ACAP2: variants seen among roughly 807,000 people sequenced by gnomAD.
ACAP2 encodes the protein ArfGAP with coiled-coil, ankyrin repeat and PH domains 2.
ACAP2 carries 39 observed loss-of-function variants against 115.8 expected under a neutral mutation model. That is an observed-to-expected ratio of 0.34 (90% CI 0.26 to 0.44). The LOEUF is 0.44. Among genes scored for constraint, ACAP2 ranks in the 20% least tolerant of loss-of-function variants. The pLI, the probability that ACAP2 is intolerant of heterozygous loss-of-function variation, is 1.00. For missense variants in ACAP2, 662 were observed against 927.6 expected (o/e 0.71, Z 3.72); for synonymous variants, 289 against 315.8 (o/e 0.92, Z 0.90).
intron 4 of ACAP2, among the ~76,000 whole-genome samples, 182 bp downstream of exon 4, chr3:195,380,827 T>C (rs1419205632): frequency 1.3e-5 from 2 of 152,092 alleles, no homozygotes; most frequent in African/African-American, 2.4e-5. Context: ...CAGGCATGCA[T>C]GCACACACAC....
chr3:195,324,083 T>TA (rs1325562787), intron 9 of ACAP2, among the ~76,000 whole-genome samples: 1 of 151,856 alleles, frequency 6.6e-6, no homozygotes. Context: ...AAAAATGAAA[T>TA]AAAAAAATTT....
intron 15 of ACAP2, among the ~76,000 whole-genome samples, chr3:195,301,195 C>G (rs1577260072): frequency 6.6e-6 from 1 of 151,966 alleles, no homozygotes; most frequent in Non-Finnish European, 1.5e-5. Context: ...ACGCCATTCT[C>G]CTGCCTCAGC....
intron 1 of ACAP2, among the ~76,000 whole-genome samples, chr3:195,437,272 G>A (rs1715620282): frequency 6.6e-6 from 1 of 151,870 alleles, no homozygotes; most frequent in South Asian, 2.1e-4. Context: ...CAAACTCCTG[G>A]CCTCAAGTGA....
intron 5 of ACAP2, among the ~76,000 whole-genome samples, chr3:195,344,602 C>A (rs918804586): frequency 6.6e-6 from 1 of 151,962 alleles, no homozygotes; most frequent in African/African-American, 2.4e-5. Context: ...CTCACTGCAA[C>A]CTCCACCTCC....
intron 1 of ACAP2, among the ~76,000 whole-genome samples, chr3:195,412,075 A>G (rs184862650): frequency 1.3e-5 from 2 of 150,930 alleles, no homozygotes; most frequent in East Asian, 3.9e-4. Flanking sequence ...CTATGATCCC[A>G]GCACTTTAGG....
At chr3:195,284,056 G>C (rs1726683108) in intron 22 of ACAP2, among the ~76,000 whole-genome samples, 1 of 152,150 alleles carries the variant, frequency 6.6e-6, no homozygotes, top group African/African-American at 2.4e-5. Flanking sequence ...CAAGAACTTA[G>C]AGGCCCTTTC....
At chr3:195,320,629 T>A in intron 10 of ACAP2, 72 bp downstream of exon 10, 1 of 1,079,950 alleles carries the variant, frequency 9.3e-7, no homozygotes, top group Non-Finnish European at 1.4e-6. Flanking sequence ...AAGGAGAGAG[T>A]TGTCAAATCA....
chr3:195,351,174 G>A (rs1037818730), intron 4 of ACAP2, among the ~76,000 whole-genome samples: 2 of 149,786 alleles, frequency 1.3e-5, no homozygotes, highest in East Asian at 2.0e-4. Context: ...CTGGAGTGCA[G>A]TGGTGTGATC....
chr3:195,366,125 G>A (rs183973742), intron 4 of ACAP2, among the ~76,000 whole-genome samples: 7 of 152,268 alleles, frequency 4.6e-5, no homozygotes, highest in Non-Finnish European at 7.3e-5. Flanking sequence ...GATTACAGGC[G>A]TGAGCTACCA....
At chr3:195,376,696 C>T (rs1391754428) in intron 4 of ACAP2, among the ~76,000 whole-genome samples, 5 of 152,126 alleles carry the variant, frequency 3.3e-5, no homozygotes, top group African/African-American at 1.2e-4. Flanking sequence ...AATGACTGGA[C>T]AATCTGACTC....
intron 4 of ACAP2, among the ~76,000 whole-genome samples, chr3:195,376,870 G>A (rs1652134027): frequency 6.6e-6 from 1 of 152,144 alleles, no homozygotes; most frequent in Admixed American, 6.5e-5. Flanking sequence ...AGCTCTGCTA[G>A]AGAATCTAAT....
chr3:195,372,493 G>C (rs1357243411), intron 4 of ACAP2, among the ~76,000 whole-genome samples: 1 of 152,132 alleles, frequency 6.6e-6, no homozygotes, highest in East Asian at 1.9e-4. Context: ...GACCTCAGCA[G>C]CGACCTGGGC....
At chr3:195,424,487 C>T (rs1714508063) in intron 1 of ACAP2, among the ~76,000 whole-genome samples, 1 of 150,722 alleles carries the variant, frequency 6.6e-6, no homozygotes, top group African/African-American at 2.4e-5. Context: ...TCAGTAGAGA[C>T]GGGGTTTCAC....
intron 1 of ACAP2, among the ~76,000 whole-genome samples, chr3:195,407,480 G>A (rs1157244755): frequency 2.6e-5 from 4 of 152,166 alleles, no homozygotes; most frequent in African/African-American, 9.6e-5. Context: ...GCCAAGGCAA[G>A]CAGATCACTT....
rs1044813127 is a variant in ACAP2 at position 195,327,419 on chromosome 3, C to G, written c.670-460G>C. ...AGCTAACCTAGCTCTCACAAATTCA[C>G]TCTAACAGCTACTTCCAACCATTCA... On this transcript the variant is annotated intron_variant, in intron 8 of 22. Transcript: ENST00000326793. Among the ~76,000 whole-genome samples the G allele has an allele frequency of 1.2e-4, 19 of 152,188 alleles. 1 individual carries two copies. The highest frequency in any genetic ancestry group is 1.5e-5 in the Non-Finnish European group (1 of 68,030).
intron 1 of ACAP2, among the ~76,000 whole-genome samples, chr3:195,431,824 G>A (rs1039254232): frequency 1.5e-4 from 23 of 152,018 alleles, no homozygotes. Flanking sequence ...CACTGGCAGT[G>A]CATGAGGGTT....
chr3:195,336,846 T>C (rs931794117), intron 7 of ACAP2, 86 bp downstream of exon 7: 6 of 1,037,520 alleles, frequency 5.8e-6, no homozygotes, highest in Non-Finnish European at 8.8e-6. Flanking sequence ...TTATCATGTA[T>C]ATAGCAGATG....
intron 10 of ACAP2, among the ~76,000 whole-genome samples, chr3:195,316,820 C>T (rs573150662): frequency 2.0e-5 from 3 of 151,458 alleles, no homozygotes; most frequent in Non-Finnish European, 4.4e-5. Flanking sequence ...AACCATCTAC[C>T]ATGTAAACAT....
chr3:195,324,138 A>C (rs1729622343), intron 9 of ACAP2, among the ~76,000 whole-genome samples: 1 of 152,236 alleles, frequency 6.6e-6, no homozygotes, highest in Non-Finnish European at 1.5e-5. Flanking sequence ...TGGGAAAATG[A>C]GATAAAGACT....
Sources: allele counts gnomAD v4.1 joint callset (sites outside exome capture counted in the v4.1 genomes callset), GRCh38; gene constraint gnomAD v4.1.1; transcripts MANE v1.5; gene names NCBI Gene and HGNC (gene_info 2026-07-23, HGNC 2026-07-21).